CTBP2: variants seen among roughly 807,000 people sequenced by gnomAD.
CTBP2 encodes C-terminal-binding protein 2.
A neutral mutation model predicts 80.3 loss-of-function variants in CTBP2; 30 were observed. The observed-to-expected ratio is 0.37, with a 90% CI of 0.28 to 0.51. The LOEUF (loss-of-function observed/expected upper bound fraction) is 0.51. Ranked by LOEUF, CTBP2 falls within the 20% of genes least tolerant of loss-of-function variation. The pLI is 0.93. For missense variants in CTBP2, 1,212 were observed against 1,375.3 expected (o/e 0.88, Z 1.88); for synonymous variants, 594 against 587.4 (o/e 1.01, Z -0.16).
chr10:125,158,171 G>T lies in CTBP2; in HGVS notation c.-206+2148C>A, dbSNP rs559717399. ...AAAAGATTTATATTTAAAAAAAAAG[G>T]GGGGGGTTAAAAACCTCAGAATTCT... is the stretch of plus-strand genomic sequence containing the variant. On this transcript the variant is annotated intron_variant, in intron 1 of 10. Coordinates refer to the CTBP2 transcript ENST00000337195. 9.4e-5 allele frequency among the ~76,000 whole-genome samples: 14 copies of T among 149,378 alleles called. No homozygotes were observed. In the South Asian group the frequency reaches 2.5e-3, roughly 27 times the overall value.
At chr10:125,013,447 G>T (rs1956146456) in intron 1 of CTBP2, among the ~76,000 whole-genome samples, 2 of 152,160 alleles carry the variant, frequency 1.3e-5, no homozygotes, top group Non-Finnish European at 2.9e-5. Flanking sequence ...TTACTTAATT[G>T]GTTTTCAATA....
At chr10:125,048,661 C>T (rs769847072) in intron 2 of CTBP2, among the ~76,000 whole-genome samples, 1 of 152,166 alleles carries the variant, frequency 6.6e-6, no homozygotes, top group Non-Finnish European at 1.5e-5. Context: ...AGGGGCCACC[C>T]TGACAAATGA....
intron 1 of CTBP2, among the ~76,000 whole-genome samples, chr10:125,121,313 C>A (rs1262137867): frequency 6.6e-6 from 1 of 152,242 alleles, no homozygotes; most frequent in Non-Finnish European, 1.5e-5. Context: ...TTAGCTGTAT[C>A]ATATACCAAA....
chr10:125,009,932 T>C (rs1025910535), intron 1 of CTBP2, among the ~76,000 whole-genome samples: 1 of 152,216 alleles, frequency 6.6e-6, no homozygotes, highest in Non-Finnish European at 1.5e-5. Context: ...AAAGCTGTTC[T>C]AAACCGTCAG....
chr10:125,036,671 GTGTGTGTGTGTGT>G (rs1564769520), intron 3 of CTBP2, among the ~76,000 whole-genome samples: 100 of 6,170 alleles, frequency 0.016, 1 homozygote, highest in Non-Finnish European at 0.024. Context: ...TAGAGGGGGT[GTGTGTGTGTGTGT>G]GTGTGTGTGT....
In CTBP2 at chr10:125,027,516, T is replaced by C. The variant is rs1957766187; in HGVS notation, c.244A>G (p.Arg82Gly). 23 of 1,614,130 alleles carry C rather than the reference T, an allele frequency of 1.4e-5. No homozygotes were observed. Among genetic ancestry groups the C allele is most frequent in the Non-Finnish European group, 1.9e-5 (23 of 1,180,006 alleles). ...GTGAAGTCAGGAGTAGACCCCTTTC[T>C]TGCAGCCACTGAGTTATAAACGGCC... Residue 82 changes from arginine (R) to glycine (G), a missense_variant, in exon 1 of 9, where the codon AGA (arginine) becomes GGA (glycine). This residue lies in a region of CTBP2 where 848 missense variants were observed against 782.3 expected (regional missense o/e 1.08). Coordinates refer to ENST00000309035, the MANE Select transcript of CTBP2 (RefSeq NM_022802.3).
At chr10:125,124,394 G>A (rs375883925) in intron 1 of CTBP2, among the ~76,000 whole-genome samples, 13 of 152,252 alleles carry the variant, frequency 8.5e-5, no homozygotes, top group Non-Finnish European at 1.5e-4. Context: ...TGCTGTTTCC[G>A]CCTTTATTAT....
chr10:125,126,063 G>C (rs1475466048), intron 1 of CTBP2, among the ~76,000 whole-genome samples: 4 of 152,242 alleles, frequency 2.6e-5, no homozygotes, highest in African/African-American at 4.8e-5. Context: ...GTTGCGGGAA[G>C]GCAAGGAGGA....
At position 125,107,945 on chromosome 10, in the gene CTBP2, C is replaced by G. The variant is rs530578370; in HGVS notation, c.-102+3045G>C. Among the ~76,000 whole-genome samples, 3 of 152,332 alleles carry G rather than the reference C, an allele frequency of 2.0e-5. No individual in the cohort carries two copies. In the South Asian group the frequency reaches 6.2e-4, roughly 32 times the overall value. ...ATTTATGAGCATTTAACCAAAAACA[C>G]TTTTTCTGTGACACTTTTGTTAAAA... On this transcript the variant is annotated intron_variant, in intron 2 of 10. Transcript: ENST00000337195.
intron 2 of CTBP2, among the ~76,000 whole-genome samples, chr10:125,055,364 C>T (rs1963662645): frequency 1.3e-5 from 2 of 152,176 alleles, no homozygotes; most frequent in East Asian, 1.9e-4. Flanking sequence ...GCAAAAACCA[C>T]GCAGGTGCCA....
intron 1 of CTBP2, among the ~76,000 whole-genome samples, chr10:125,139,155 T>C (rs1172230930): frequency 6.6e-6 from 1 of 152,050 alleles, no homozygotes; most frequent in Admixed American, 6.6e-5. Context: ...GGAGATTACT[T>C]GAGGCCAGGA....
intron 1 of CTBP2, among the ~76,000 whole-genome samples, chr10:125,156,191 T>C (rs115285766): frequency 0.014 from 2,142 of 152,280 alleles, 47 homozygotes; most frequent in African/African-American, 0.049. Context: ...AACTGATAAA[T>C]TTCCCTTCCC....
intron 2 of CTBP2, among the ~76,000 whole-genome samples, chr10:125,040,599 TACACACACACAC>T (rs59512017): frequency 2.1e-5 from 3 of 145,976 alleles, no homozygotes; most frequent in Admixed American, 6.8e-5. Context: ...CACAACCACA[TACACACACACAC>T]ACACACACAC....
intron 2 of CTBP2, among the ~76,000 whole-genome samples, chr10:125,073,410 T>C (rs1370563830): frequency 1.3e-5 from 2 of 152,070 alleles, no homozygotes; most frequent in African/African-American, 4.8e-5. Flanking sequence ...CACCCAGCTA[T>C]ATTTTGTATT....
rs1202737983 is a variant in CTBP2, at chr10:124,994,646, G to A, written c.2223C>T (p.Ala741=). ...CATAAAATATGACGCTGAATCCAAA[G>A]GCCTTGGCTCGAACTGCAACCGCCT... is the stretch of plus-strand genomic sequence containing the variant. The change falls in exon 5 of 9, where the codon GCC becomes GCT. Residue 741 remains alanine (A), a synonymous_variant. Coordinates refer to ENST00000309035, the MANE Select transcript of CTBP2 (RefSeq NM_022802.3). 6.2e-7 allele frequency: 1 copy of A among 1,614,054 alleles called. No individual in the cohort carries two copies. The highest frequency in any genetic ancestry group is 1.3e-5 in the African/African-American group (1 of 74,926).
intron 1 of CTBP2, among the ~76,000 whole-genome samples, chr10:125,129,877 T>G (rs1212115464): frequency 1.3e-5 from 2 of 151,850 alleles, no homozygotes; most frequent in Admixed American, 6.6e-5. Context: ...CAGGACACGG[T>G]CAGGGTTGTT....
chr10:124,999,126 A>G (rs1157034844), intron 3 of CTBP2: 1 of 152,320 alleles, frequency 6.6e-6, no homozygotes, highest in Non-Finnish European at 1.5e-5. Flanking sequence ...CAGAGACCAG[A>G]GGGGCCGAGC....
intron 2 of CTBP2, among the ~76,000 whole-genome samples, chr10:125,064,842 AC>A (rs1844383227): frequency 6.6e-6 from 1 of 152,064 alleles, no homozygotes; most frequent in Non-Finnish European, 1.5e-5. Context: ...AAAGAATGAA[AC>A]CTTTCTGGTT....
chr10:125,018,266 T>C (rs1163183239), intron 1 of CTBP2, among the ~76,000 whole-genome samples: 1 of 152,230 alleles, frequency 6.6e-6, no homozygotes, highest in Non-Finnish European at 1.5e-5. Context: ...GGCTCACGCC[T>C]GTAATCCCAA....
Sources: gnomAD v4.1 joint callset for allele counts (sites outside exome capture counted in the v4.1 genomes callset) on GRCh38, gnomAD v4.1.1 for gene constraint, gnomAD v4.1.1 regional missense constraint, MANE v1.5 for transcripts, NCBI Gene and HGNC (gene_info 2026-07-23, HGNC 2026-07-21) for gene names.